The following KATNAL1 variants were observed in gnomAD, a reference collection of about 807,000 sequenced individuals.
The protein encoded by KATNAL1 is katanin catalytic subunit A1 like 1.
KATNAL1 carries 32 observed loss-of-function variants against 55.2 expected under a neutral mutation model. That is an observed-to-expected ratio of 0.58 (90% confidence interval 0.44 to 0.78). The LOEUF is 0.78. Among genes scored for constraint, KATNAL1 ranks in the 30% least tolerant of loss-of-function variants. The probability of loss-of-function intolerance (pLI) is 0.00; values close to 1 mark genes in which losing one functional copy is unlikely to be tolerated. For missense variants in KATNAL1, 466 were observed against 600.9 expected, an observed-to-expected ratio of 0.78 and a Z score of 2.35; for synonymous variants, 193 against 193.6, an observed-to-expected ratio of 1.00 and a Z score of 0.02.
chr13:30,218,227 T>TATATATATATAA lies in KATNAL1; in HGVS notation c.1148-7786_1148-7785insTTATATATATAT, dbSNP rs1555258842. On this transcript the variant is annotated intron_variant, in intron 9 of 10. Coordinates refer to ENST00000380615, the MANE Select transcript of KATNAL1 (RefSeq NM_032116.5). ...AGGAATATATATATATATATATATA[T>TATATATATATAA]AAAGGACCTGACCCTGATGTAATAG... 3.8e-3 allele frequency among the ~76,000 whole-genome samples: 547 copies of TATATATATATAA among 145,242 alleles called. 4 individuals carry two copies. The highest frequency in any genetic ancestry group is 0.019 in the East Asian group (92 of 4,862).
At chr13:30,223,879 T>C (rs1341477310) in intron 9 of KATNAL1, among the ~76,000 whole-genome samples, 3 of 152,262 alleles carry the variant, frequency 2.0e-5, no homozygotes, top group Admixed American at 6.5e-5. Context: ...CTGACATTTA[T>C]AGAATGTTAT....
Position 30,270,052 on chromosome 13 carries a change from C to A in KATNAL1, c.323+10011G>T, listed in dbSNP as rs1210149316. ...GGTGTCAGCCCCCCGCCCGGCCAGC[C>A]GCCCCATCCGGGAGGGAGGTGGGGG... On this transcript the variant is annotated intron_variant, in intron 3 of 10. Transcript: ENST00000380615. 3.0e-5 allele frequency among the ~76,000 whole-genome samples: 4 copies of A among 132,886 alleles called. 1 individual carries two copies. In the South Asian group the frequency reaches 9.6e-4, roughly 32 times the overall value. The allele number at this position is 132,886 out of a possible 152,430, so 87.2% of individuals were successfully genotyped here. A position where few individuals can be genotyped will look rare whatever the true frequency, so the allele number is the denominator to read the frequency against.
intron 6 of KATNAL1, among the ~76,000 whole-genome samples, chr13:30,236,517 G>A (rs1017671270): frequency 6.6e-6 from 1 of 152,110 alleles, no homozygotes; most frequent in Non-Finnish European, 1.5e-5. Context: ...TAACCAAAAA[G>A]CCCATGACTT....
chr13:30,270,249 T>TG (rs1231553984), intron 3 of KATNAL1, among the ~76,000 whole-genome samples: 4 of 77,600 alleles, frequency 5.2e-5, no homozygotes, highest in African/African-American at 1.1e-4. Flanking sequence ...GGAGGGAGGT[T>TG]GGGGGGTCAG....
At chr13:30,235,361 G>A (rs1213776876) in intron 6 of KATNAL1, among the ~76,000 whole-genome samples, 1 of 152,162 alleles carries the variant, frequency 6.6e-6, no homozygotes, top group Non-Finnish European at 1.5e-5. Context: ...AGAAACAAGA[G>A]AAAGGGGAAA....
chr13:30,235,495 A>G (rs527492111), intron 6 of KATNAL1, among the ~76,000 whole-genome samples: 98 of 152,366 alleles, frequency 6.4e-4, no homozygotes, highest in African/African-American at 2.3e-3. Context: ...CCACCTCCCA[A>G]CACTACCACA....
Position 30,240,977 on chromosome 13 carries a change from C to G in KATNAL1, c.602G>C (p.Arg201Thr), listed in dbSNP as rs1214954042. 1.2e-6 allele frequency: 2 copies of G among 1,612,710 alleles called. No individual in the cohort carries two copies. The highest frequency in any genetic ancestry group is 1.7e-6 in the Non-Finnish European group (2 of 1,179,442). The change falls in exon 5 of 11, where the codon AGG becomes ACG. Residue 201 changes from arginine to threonine, a missense_variant. By Grantham distance (71) the Arg-to-Thr change is moderately conservative. Around this residue, in one of 3 missense-constraint regions of KATNAL1, gnomAD observed 248 missense variants for 275.5 expected, o/e 0.90. Transcript: ENST00000380615. ...VEALERDIVS[R>T]NPSIHWDDIA... Reference sequence around the variant, plus strand: ...CTCTAACCAATGAATGCTAGGATTCCTGGATACAATGTCTCTTTCAAGGGC... The same window carrying G: ...CTCTAACCAATGAATGCTAGGATTCGTGGATACAATGTCTCTTTCAAGGGC...
At chr13:30,262,794 G>C (rs1245368428) in intron 3 of KATNAL1, among the ~76,000 whole-genome samples, 1 of 151,678 alleles carries the variant, frequency 6.6e-6, no homozygotes, top group African/African-American at 2.4e-5. Context: ...AGAGGTACAA[G>C]GAGGAACTGG....
At chr13:30,296,213 G>A in intron 1 of KATNAL1, 1 of 823,362 alleles carries the variant, frequency 1.2e-6, no homozygotes, top group Non-Finnish European at 1.9e-6. Context: ...CATGGTGGAT[G>A]GCGCCTTCAA....
In KATNAL1 at chr13:30,208,340, G is replaced by C. The variant is rs182453378; in HGVS notation, c.*200C>G. 1.1e-3 allele frequency: 549 copies of C among 518,256 alleles called. 3 individuals are homozygous for C. The Admixed American group carries it at 0.018, about 17-fold the overall frequency. The allele number at this position is 518,256 out of a possible 1,614,324, so 32.1% of individuals were successfully genotyped here. On this transcript the variant is annotated 3_prime_UTR_variant, in exon 11 of 11. Coordinates refer to ENST00000380615, the MANE Select transcript of KATNAL1 (RefSeq NM_032116.5). ...GGAATACGTGGAATACCAGCACAAA[G>C]CCGGGGAGGGAGACTAGCAAACTCT... is the stretch of plus-strand genomic sequence containing the variant.
At chr13:30,289,964 T>G (rs1281632973) in intron 1 of KATNAL1, among the ~76,000 whole-genome samples, 2 of 152,358 alleles carry the variant, frequency 1.3e-5, no homozygotes, top group African/African-American at 2.4e-5. Flanking sequence ...CAATGAAATC[T>G]GAATTTCATT....
At chr13:30,252,715 G>A (rs1049111275) in intron 4 of KATNAL1, among the ~76,000 whole-genome samples, 1 of 151,890 alleles carries the variant, frequency 6.6e-6, no homozygotes, top group East Asian at 1.9e-4. Flanking sequence ...ATATCTCTGA[G>A]GGTACTTCCA....
At chr13:30,243,064 T>A (rs1047719928) in intron 4 of KATNAL1, among the ~76,000 whole-genome samples, 1 of 152,190 alleles carries the variant, frequency 6.6e-6, no homozygotes, top group African/African-American at 2.4e-5. Flanking sequence ...TACTACTAAC[T>A]GCAATGTCAC....
chr13:30,211,787 G>A (rs1349513964), intron 9 of KATNAL1, among the ~76,000 whole-genome samples: 1 of 152,212 alleles, frequency 6.6e-6, no homozygotes, highest in Non-Finnish European at 1.5e-5. Flanking sequence ...CAACAGCAAA[G>A]TGGAAAGAAA....
chr13:30,260,986 A>T (rs376189736), intron 3 of KATNAL1, among the ~76,000 whole-genome samples: 40 of 151,964 alleles, frequency 2.6e-4, no homozygotes, highest in African/African-American at 8.9e-4. Context: ...CGGGTTACCC[A>T]CAAAGGGAAG....
intron 1 of KATNAL1, among the ~76,000 whole-genome samples, chr13:30,299,532 T>C (rs1481156537): frequency 6.6e-6 from 1 of 152,188 alleles, no homozygotes; most frequent in Non-Finnish European, 1.5e-5. Context: ...ACTAAAATTA[T>C]TTTTAGTCAT....
At chr13:30,217,782 C>T (rs561195418) in intron 9 of KATNAL1, among the ~76,000 whole-genome samples, 21 of 152,160 alleles carry the variant, frequency 1.4e-4, no homozygotes, top group African/African-American at 4.6e-4. Flanking sequence ...GCTGTCATGA[C>T]GGTTAGGTGA....
intron 9 of KATNAL1, chr13:30,210,650 GAAAAAA>G: frequency 3.4e-5 from 4 of 119,060 alleles, no homozygotes; most frequent in South Asian, 3.0e-4. Context: ...ACTAAAAATT[GAAAAAA>G]AAAAAAAAAA....
chr13:30,288,819 T>C (rs1399217183), intron 1 of KATNAL1, among the ~76,000 whole-genome samples: 3 of 152,248 alleles, frequency 2.0e-5, no homozygotes, highest in African/African-American at 7.2e-5. Context: ...ATTCAGCTTC[T>C]ATTTCTGACA....
Sources: gnomAD v4.1 joint callset for allele counts (sites outside exome capture counted in the v4.1 genomes callset) on GRCh38, gnomAD v4.1.1 for gene constraint, gnomAD v4.1.1 regional missense constraint, MANE v1.5 for transcripts, NCBI Gene and HGNC (gene_info 2026-07-23, HGNC 2026-07-21) for gene names.